DCHS2: variants seen among roughly 807,000 people sequenced by gnomAD.
The protein encoded by DCHS2 is protocadherin-23.
A neutral mutation model predicts 182.4 loss-of-function variants in DCHS2; 142 were observed. The observed-to-expected ratio is 0.78, with a 90% CI of 0.68 to 0.89. The LOEUF (loss-of-function observed/expected upper bound fraction) is 0.89. Among genes scored for constraint, DCHS2 ranks in the 40% least tolerant of loss-of-function variants. DCHS2 has a pLI of 0.00. For synonymous variants in DCHS2, 1,740 were observed against 1,663.3 expected, an observed-to-expected ratio of 1.05 and a Z score of -1.12; for missense variants, 4,319 against 4,198.6, an observed-to-expected ratio of 1.03 and a Z score of -0.79.
chr4:154,292,141 AT>A (rs1734697633), intron 13 of DCHS2, among the ~76,000 whole-genome samples: 1 of 152,222 alleles, frequency 6.6e-6, no homozygotes, highest in African/African-American at 2.4e-5. Context: ...CAAATTTTCT[AT>A]AATAAAAAAT....
Position 154,234,652 on chromosome 4 carries a change from G to A in DCHS2, c.10000C>T (p.Leu3334=). The A allele has an allele frequency of 6.2e-7, 1 of 1,614,010 alleles. No individual in the cohort carries two copies. Among genetic ancestry groups the A allele is most frequent in the Non-Finnish European group, 8.5e-7 (1 of 1,179,950 alleles). ...AAGGCAGGAGGCTGCATCGTCAATA[G>A]GGAAAGAGATGGAGAAAAATTGGGA... ...MTPNFSPSLS[L]LTMQPPALSP... The change falls in exon 20 of 20, where the codon CTA becomes TTA. Residue 3334 remains leucine, a synonymous_variant. Transcript: ENST00000357232.
intron 1 of DCHS2, among the ~76,000 whole-genome samples, chr4:154,458,619 A>G (rs1734872263): frequency 1.3e-5 from 2 of 152,324 alleles, no homozygotes; most frequent in East Asian, 3.9e-4. Context: ...ACACCATATT[A>G]AATCTAGAAA....
chr4:154,328,075 A>G lies in DCHS2; in HGVS notation c.4018+18T>C, dbSNP rs966386811. 3.2e-6 allele frequency: 5 copies of G among 1,562,646 alleles called. No individual in the cohort carries two copies. Among genetic ancestry groups the G allele is most frequent in the Admixed American group, 1.8e-5 (1 of 55,560 alleles). On this transcript the variant is annotated intron_variant, in intron 7 of 19. Transcript: ENST00000357232. ...AAATCCTAAAAGTTCTTAATCCCGTATGAACAGTAAGTTTTACCTGAAGAT... is the reference window on the plus strand; with the variant it reads ...AAATCCTAAAAGTTCTTAATCCCGTGTGAACAGTAAGTTTTACCTGAAGAT...
intron 1 of DCHS2, among the ~76,000 whole-genome samples, chr4:154,448,991 C>T (rs776667074): frequency 6.6e-6 from 1 of 152,132 alleles, no homozygotes; most frequent in Non-Finnish European, 1.5e-5. Context: ...CTGTAAACTC[C>T]TCAGGGAAGA....
intron 1 of DCHS2, among the ~76,000 whole-genome samples, chr4:154,394,534 T>C (rs759357909): frequency 2.0e-5 from 3 of 152,340 alleles, no homozygotes; most frequent in Non-Finnish European, 4.4e-5. Flanking sequence ...GGACATTTAT[T>C]ATCCCTCTTT....
intron 1 of DCHS2, among the ~76,000 whole-genome samples, chr4:154,459,304 G>A (rs1560771947): frequency 6.6e-6 from 1 of 151,994 alleles, no homozygotes; most frequent in African/African-American, 2.4e-5. Context: ...TAGGATTGAA[G>A]CATTTGCCCA....
chr4:154,333,775 C>T (rs1728633736), intron 4 of DCHS2: 1 of 412,468 alleles, frequency 2.4e-6, no homozygotes, highest in Non-Finnish European at 4.4e-6. Context: ...TCGACTGTAA[C>T]ATTTAGCCTA....
intron 13 of DCHS2, among the ~76,000 whole-genome samples, chr4:154,295,946 G>A (rs1376377296): frequency 6.6e-6 from 1 of 152,162 alleles, no homozygotes; most frequent in African/African-American, 2.4e-5. Context: ...TTTATGTATT[G>A]TACAATAGTA....
Position 154,304,828 on chromosome 4 carries a change from G to T in DCHS2, c.5446C>A (p.Leu1816Ile), listed in dbSNP as rs1735379688. 6.2e-7 allele frequency: 1 copy of T among 1,613,644 alleles called. No homozygotes were observed. Among genetic ancestry groups the T allele is most frequent in the African/African-American group, 1.3e-5 (1 of 74,876 alleles). Reference sequence around the variant, plus strand: ...TCGTTTTCATCTTCAACAGTGCAGAGGATTGTTGTGGTGCTGGACAATGAA... The same window carrying T: ...TCGTTTTCATCTTCAACAGTGCAGATGATTGTTGTGGTGCTGGACAATGAA... ...FPSLSSTTTI[L>I]CTVEDENDHA... Residue 1816 changes from leucine to isoleucine, a missense_variant, in exon 12 of 20, where the codon CTC becomes ATC. Transcript: ENST00000357232.
Position 154,235,567 on chromosome 4 carries a change from C to T in DCHS2, c.9085G>A (p.Glu3029Lys). 5 of 1,614,040 alleles carry T rather than the reference C, an allele frequency of 3.1e-6. 1 individual carries two copies. In the East Asian group the frequency reaches 6.7e-5, roughly 22 times the overall value. The part of the protein sequence containing the change: ...HKQKDTINNY[E>K]EKKTSSLDAD... The stretch of plus-strand genomic sequence containing the variant: ...TCTAAAGATGAGGTTTTCTTCTCCT[C>T]ATAATTGTTTATTGTGTCTTTTTGT... The change falls in exon 20 of 20, where the codon GAG becomes AAG. Residue 3029 changes from glutamate to lysine, a missense_variant. By Grantham distance (56) the Glu-to-Lys change is moderately conservative. Transcript: ENST00000357232.
chr4:154,479,297 A>G (rs1245624664), intron 1 of DCHS2, among the ~76,000 whole-genome samples: 1 of 152,140 alleles, frequency 6.6e-6, no homozygotes, highest in Non-Finnish European at 1.5e-5. Flanking sequence ...TGAAAAGAAA[A>G]ATGAACAGAG....
rs1249381003 is a variant in DCHS2, at chr4:154,236,932, T to C, written c.7720A>G (p.Ile2574Val). 5.6e-6 allele frequency: 9 copies of C among 1,614,088 alleles called. No homozygotes were observed. The highest frequency in any genetic ancestry group is 7.6e-6 in the Non-Finnish European group (9 of 1,179,946). The change falls in exon 20 of 20, where the codon ATC becomes GTC. Residue 2574 changes from isoleucine (I) to valine (V), a missense_variant. Physicochemically the swap from Ile to Val is conservative, Grantham distance 29 (BLOSUM62 3). Coordinates refer to ENST00000357232, the MANE Select transcript of DCHS2 (RefSeq NM_001358235.2). ...VGSTLVTFSN[I>V]DHDWTRENTY... ...TTTTCACGGGTCCAGTCATGGTCGA[T>C]GTTTGAAAATGTAACAAGCGTGCTT...
intron 4 of DCHS2, chr4:154,333,715 A>T (rs1728631496): frequency 3.4e-6 from 2 of 582,776 alleles, no homozygotes; most frequent in Admixed American, 6.1e-5. Context: ...ACAACTGCCT[A>T]CAGTATTAAG....
intron 13 of DCHS2, among the ~76,000 whole-genome samples, chr4:154,290,124 T>G (rs893525722): frequency 6.6e-6 from 1 of 152,034 alleles, no homozygotes; most frequent in Non-Finnish European, 1.5e-5. Context: ...CCTACAAAAA[T>G]TCATGGCATA....
chr4:154,385,746 G>A (rs908231947), intron 1 of DCHS2, among the ~76,000 whole-genome samples: 1 of 152,030 alleles, frequency 6.6e-6, no homozygotes, highest in South Asian at 2.1e-4. Context: ...CCTACCTCAG[G>A]CTCCCAAAGT....
chr4:154,425,884 A>C (rs1733304558), intron 1 of DCHS2, among the ~76,000 whole-genome samples: 1 of 152,224 alleles, frequency 6.6e-6, no homozygotes, highest in Non-Finnish European at 1.5e-5. Flanking sequence ...CAAAAAAATG[A>C]GGAAGAATTC....
intron 8 of DCHS2, 134 bp from the exon 9 acceptor site, chr4:154,321,356 A>G (rs1736055702): frequency 8.3e-6 from 8 of 963,358 alleles, no homozygotes; most frequent in Non-Finnish European, 1.1e-5. Context: ...GAAAAATGTC[A>G]TTTTTATATT....
At position 154,236,252 on chromosome 4, in the gene DCHS2, C is replaced by G; in HGVS notation, c.8400G>C (p.Pro2800=). 6.2e-7 allele frequency: 1 copy of G among 1,613,936 alleles called. No individual in the cohort carries two copies. Among genetic ancestry groups the G allele is most frequent in the Non-Finnish European group, 8.5e-7 (1 of 1,179,946 alleles). ...SINALDFDAG[P]YGELTYSIVS... ...CAATAGAATAGGTCAATTCTCCATA[C>G]GGACCAGCATCAAAATCCAGAGCAT... Residue 2800 remains proline (P), a synonymous_variant, in exon 20 of 20, where the codon CCG becomes CCC. Transcript: ENST00000357232.
At chr4:154,488,714 C>A (rs1382399674) in intron 1 of DCHS2, among the ~76,000 whole-genome samples, 2 of 151,960 alleles carry the variant, frequency 1.3e-5, no homozygotes. Context: ...ACCAGCCTGG[C>A]AAACATGGTG....
Sources: gnomAD v4.1 joint callset for allele counts (sites outside exome capture counted in the v4.1 genomes callset) on GRCh38, gnomAD v4.1.1 for gene constraint, MANE v1.5 for transcripts, NCBI Gene and HGNC (gene_info 2026-07-23, HGNC 2026-07-21) for gene names.